Variants in ITGB6 observed in about 807,000 individuals in gnomAD.
The protein encoded by ITGB6 is integrin subunit beta 6.
Under a neutral mutation model 84.5 loss-of-function variants are expected in ITGB6, and 80 were observed. The ratio of observed to expected loss-of-function variants is 0.95; its 90% CI spans 0.79 to 1.14. ITGB6 has a LOEUF of 1.14. Ranked by LOEUF, ITGB6 falls within the 50% of genes most tolerant of loss-of-function variation. The probability of loss-of-function intolerance (pLI) is 0.00; values close to 1 mark genes in which losing one functional copy is unlikely to be tolerated. For synonymous variants in ITGB6, 383 were observed against 354.9 expected, an observed-to-expected ratio of 1.08 and a Z score of -0.89; for missense variants, 1,006 against 968.0, an observed-to-expected ratio of 1.04 and a Z score of -0.52.
intron 14 of ITGB6, among the ~76,000 whole-genome samples, chr2:160,106,768 A>T (rs760954028): frequency 2.6e-5 from 4 of 152,234 alleles, no homozygotes; most frequent in Non-Finnish European, 4.4e-5. Flanking sequence ...TCAAAAATGG[A>T]AAATTCCATT....
rs1464163592 is a variant in ITGB6 at position 160,107,181 on chromosome 2, T to G, written c.2268+498A>C. Among the ~76,000 whole-genome samples, 3 of 152,186 alleles carry G rather than the reference T, an allele frequency of 2.0e-5. No individual in the cohort carries two copies. The East Asian group carries it at 5.8e-4, about 29-fold the overall frequency. ...ATGTTATTCAGAAAAAATAACTGCA[T>G]GGCATTTTAAAAATCATCTCAATTT... On this transcript the variant is annotated intron_variant, in intron 14 of 14. Transcript: ENST00000283249.
intron 7 of ITGB6, among the ~76,000 whole-genome samples, chr2:160,153,665 G>A (rs1684513783): frequency 6.6e-6 from 1 of 151,996 alleles, no homozygotes; most frequent in African/African-American, 2.4e-5. Flanking sequence ...TACAGAATGG[G>A]AGAAAATTTT....
At chr2:160,183,770 T>C (rs1480456885) in intron 4 of ITGB6, among the ~76,000 whole-genome samples, 1 of 152,056 alleles carries the variant, frequency 6.6e-6, no homozygotes, top group Non-Finnish European at 1.5e-5. Context: ...CGCAAAAGAA[T>C]GGAAATCATA....
intron 4 of ITGB6, among the ~76,000 whole-genome samples, chr2:160,178,687 T>TA (rs1435539710): frequency 2.2e-5 from 2 of 92,758 alleles, no homozygotes; most frequent in African/African-American, 6.2e-5. Flanking sequence ...TCTCTCTCTC[T>TA]CTTTTTTTTT....
At chr2:160,163,674 T>C (rs571576268) in intron 7 of ITGB6, among the ~76,000 whole-genome samples, 82 of 151,696 alleles carry the variant, frequency 5.4e-4, no homozygotes, top group African/African-American at 1.9e-3. Context: ...CTGTGTCTGG[T>C]GGTCTAGTGG....
intron 7 of ITGB6, among the ~76,000 whole-genome samples, chr2:160,155,127 C>T (rs1380368163): frequency 6.6e-6 from 1 of 152,208 alleles, no homozygotes; most frequent in East Asian, 1.9e-4. Context: ...TCCTGTACAG[C>T]CTGCAGAACT....
chr2:160,170,093 C>G (rs915166284), intron 6 of ITGB6, among the ~76,000 whole-genome samples: 3 of 151,338 alleles, frequency 2.0e-5, no homozygotes, highest in Non-Finnish European at 4.4e-5. Context: ...GAGGTACTAG[C>G]CTGCTAACAA....
chr2:160,172,453 T>G, intron 6 of ITGB6, 116 bp downstream of exon 6: 3 of 1,011,860 alleles, frequency 3.0e-6, no homozygotes, highest in Non-Finnish European at 4.3e-6. Flanking sequence ...TAATCCCACA[T>G]TAGAAAATGT....
chr2:160,103,755 A>G (rs1027585002), intron 14 of ITGB6, among the ~76,000 whole-genome samples: 2 of 152,156 alleles, frequency 1.3e-5, no homozygotes, highest in Non-Finnish European at 2.9e-5. Flanking sequence ...ATGACAGGGT[A>G]AGCCTGTCCT....
At chr2:160,121,160 A>T (rs1476662928) in intron 12 of ITGB6, among the ~76,000 whole-genome samples, 1 of 152,208 alleles carries the variant, frequency 6.6e-6, no homozygotes, top group East Asian at 1.9e-4. Context: ...AGGATTAGTT[A>T]GCAGTTTTCA....
chr2:160,134,340 C>A (rs1442090058), intron 10 of ITGB6, among the ~76,000 whole-genome samples: 1 of 152,102 alleles, frequency 6.6e-6, no homozygotes, highest in Non-Finnish European at 1.5e-5. Context: ...ATACACTCTC[C>A]CAAGACTAAA....
intron 10 of ITGB6, among the ~76,000 whole-genome samples, chr2:160,134,428 A>G (rs1209380778): frequency 6.6e-6 from 1 of 152,216 alleles, no homozygotes; most frequent in African/African-American, 2.4e-5. Context: ...TTACCAACCA[A>G]AAACAGTCCA....
At chr2:160,122,427 T>G (rs560078794) in intron 12 of ITGB6, among the ~76,000 whole-genome samples, 2 of 152,308 alleles carry the variant, frequency 1.3e-5, no homozygotes, top group South Asian at 4.1e-4. Context: ...TGCTAGTGAA[T>G]TGAGGCTTAG....
chr2:160,178,019 C>T (rs376179286), intron 4 of ITGB6, among the ~76,000 whole-genome samples: 5 of 152,126 alleles, frequency 3.3e-5, no homozygotes, highest in African/African-American at 9.7e-5. Context: ...GGATTACAGG[C>T]TCACGCCACC....
At chr2:160,187,302 TA>T (rs1278781033) in intron 4 of ITGB6, among the ~76,000 whole-genome samples, 2 of 152,236 alleles carry the variant, frequency 1.3e-5, no homozygotes, top group South Asian at 2.1e-4. Context: ...ACACATTGGT[TA>T]AAAAAATCCA....
chr2:160,162,817 G>T (rs187300310), intron 7 of ITGB6, among the ~76,000 whole-genome samples: 6 of 152,112 alleles, frequency 3.9e-5, no homozygotes, highest in Non-Finnish European at 8.8e-5. Flanking sequence ...ACAGGGTTTC[G>T]CCATGTTGGC....
intron 2 of ITGB6, among the ~76,000 whole-genome samples, chr2:160,197,846 C>T (rs1686403335): frequency 6.6e-6 from 1 of 152,212 alleles, no homozygotes; most frequent in South Asian, 2.1e-4. Context: ...ACCACATGAC[C>T]TATTTTCTAT....
intron 4 of ITGB6, among the ~76,000 whole-genome samples, chr2:160,175,547 T>C (rs952650574): frequency 2.6e-5 from 4 of 152,216 alleles, no homozygotes; most frequent in Non-Finnish European, 4.4e-5. Flanking sequence ...TTTCTTTCAT[T>C]TTTATGCTTT....
At chr2:160,132,359 T>A (rs532089841) in intron 10 of ITGB6, among the ~76,000 whole-genome samples, 3 of 152,256 alleles carry the variant, frequency 2.0e-5, no homozygotes, top group African/African-American at 7.2e-5. Flanking sequence ...TCAGAAGAAC[T>A]TATTGGCTGC....
Sources: gnomAD v4.1 joint callset for allele counts (sites outside exome capture counted in the v4.1 genomes callset) on GRCh38, gnomAD v4.1.1 for gene constraint, MANE v1.5 for transcripts, NCBI Gene and HGNC (gene_info 2026-07-23, HGNC 2026-07-21) for gene names.